The following PTPRS variants were observed in gnomAD, a reference collection of about 807,000 sequenced individuals.
The protein encoded by PTPRS is receptor-type tyrosine-protein phosphatase S.
A neutral mutation model predicts 215.3 loss-of-function variants in PTPRS; 63 were observed. The ratio of observed to expected loss-of-function variants is 0.29; its 90% CI spans 0.24 to 0.36. The LOEUF (loss-of-function observed/expected upper bound fraction) is 0.36, where lower values mean the gene tolerates loss of function less well. Ranked by LOEUF, PTPRS falls within the 10% of genes least tolerant of loss-of-function variation. The probability of loss-of-function intolerance (pLI) is 1.00; values close to 1 mark genes in which losing one functional copy is unlikely to be tolerated. For synonymous variants in PTPRS, 1,404 were observed against 1,191.4 expected (o/e 1.18, Z -3.68); for missense variants, 2,258 against 2,825.8 (o/e 0.80, Z 4.56).
rs10410733 is a variant in PTPRS, at chr19:5,268,208, A to G, written c.380-3012T>C. Among the ~76,000 whole-genome samples, 1,046 of 152,008 alleles carry G rather than the reference A, an allele frequency of 6.9e-3. 15 individuals carry two copies. The highest frequency in any genetic ancestry group is 0.024 in the African/African-American group (992 of 41,486). ...AAATAAATTAATTAATTAATTAAATAAAGTTTTATTGGCACACAGCCACGC... is the reference window on the plus strand; with the variant it reads ...AAATAAATTAATTAATTAATTAAATGAAGTTTTATTGGCACACAGCCACGC... On this transcript the variant is annotated intron_variant, in intron 4 of 37. Coordinates refer to ENST00000262963, the MANE Select transcript of PTPRS (RefSeq NM_002850.4).
intron 33 of PTPRS, 58 bp downstream of exon 33, chr19:5,211,532 T>A (rs111588397): frequency 3.9e-6 from 6 of 1,546,228 alleles, no homozygotes; most frequent in Non-Finnish European, 5.3e-6. Context: ...TGGAGGCCTC[T>A]TGAGAGTAGA....
chr19:5,335,794 G>C (rs988356178), intron 1 of PTPRS, among the ~76,000 whole-genome samples: 1 of 152,148 alleles, frequency 6.6e-6, no homozygotes, highest in African/African-American at 2.4e-5. Flanking sequence ...ACCAGGGTGG[G>C]ATCCGCGGGA....
chr19:5,223,414 G>GA (rs1219426777), intron 17 of PTPRS, 117 bp from the exon 18 acceptor site: 3 of 1,251,644 alleles, frequency 2.4e-6, no homozygotes, highest in Non-Finnish European at 3.1e-6. Context: ...TGAGTTGGGG[G>GA]GGGTCTTACT....
At chr19:5,260,102 A>G (rs1402278756) in intron 7 of PTPRS, among the ~76,000 whole-genome samples, 5 of 151,594 alleles carry the variant, frequency 3.3e-5, no homozygotes, top group African/African-American at 7.3e-5. Context: ...GCATGTCTCT[A>G]TGTGTCCTTG....
intron 1 of PTPRS, among the ~76,000 whole-genome samples, chr19:5,340,006 G>A (rs1165288648): frequency 6.6e-6 from 1 of 151,872 alleles, no homozygotes; most frequent in Non-Finnish European, 1.5e-5. Context: ...GTGCCGGAGG[G>A]GCGACCTCCC....
intron 9 of PTPRS, among the ~76,000 whole-genome samples, chr19:5,253,798 A>G (rs932106133): frequency 1.3e-5 from 2 of 152,236 alleles, no homozygotes; most frequent in African/African-American, 4.8e-5. Context: ...AAAGAAGGGA[A>G]GTGACTTGCC....
intron 28 of PTPRS, among the ~76,000 whole-genome samples, 185 bp downstream of exon 28, chr19:5,215,104 G>A (rs971062842): frequency 2.0e-5 from 3 of 152,282 alleles, no homozygotes; most frequent in Non-Finnish European, 4.4e-5. Context: ...AAGGACAGAT[G>A]AAGCCATGTT....
chr19:5,335,369 C>A lies in PTPRS; in HGVS notation c.-95+5295G>T, dbSNP rs1186253343. Among the ~76,000 whole-genome samples, 3 of 152,202 alleles carry A rather than the reference C, an allele frequency of 2.0e-5. No homozygotes were observed. In the East Asian group the frequency reaches 5.8e-4, roughly 29 times the overall value. On this transcript the variant is annotated intron_variant, in intron 1 of 37. Transcript: ENST00000262963. ...AACACAGAGAGGTCAGGCAACCCGC[C>A]CTAGTTTGCACAGCTCAAGTGAGGA...
chr19:5,259,103 A>G (rs1244581903), intron 7 of PTPRS, among the ~76,000 whole-genome samples: 1 of 152,214 alleles, frequency 6.6e-6, no homozygotes, highest in East Asian at 1.9e-4. Context: ...AGTAAAGTTG[A>G]GGCTAAAATG....
At chr19:5,235,812 A>G (rs527654326) in intron 13 of PTPRS, among the ~76,000 whole-genome samples, 5 of 152,310 alleles carry the variant, frequency 3.3e-5, no homozygotes, top group African/African-American at 1.2e-4. Flanking sequence ...GCTGAATAAC[A>G]CTGAGAGTTC....
At chr19:5,308,752 T>TA (rs911500407) in intron 1 of PTPRS, among the ~76,000 whole-genome samples, 1 of 152,136 alleles carries the variant, frequency 6.6e-6, no homozygotes, top group African/African-American at 2.4e-5. Context: ...ATCAGAATCT[T>TA]AAACAAAAGC....
chr19:5,240,415 A>G (rs922686264), intron 11 of PTPRS, 83 bp from the exon 12 acceptor site: 1 of 1,351,178 alleles, frequency 7.4e-7, no homozygotes, highest in African/African-American at 1.5e-5. Flanking sequence ...GTCCCCACTA[A>G]AAGATGCCAG....
Position 5,256,089 on chromosome 19 carries a change from A to C in PTPRS, c.718+19T>G, listed in dbSNP as rs770852892. 4 of 1,514,312 alleles carry C rather than the reference A, an allele frequency of 2.6e-6. No homozygotes were observed. The East Asian group carries it at 9.1e-5, about 34-fold the overall frequency. The allele number at this position is 1,514,312 out of a possible 1,614,324, so 93.8% of individuals were successfully genotyped here. On this transcript the variant is annotated intron_variant, in intron 9 of 37. Coordinates refer to ENST00000262963, the MANE Select transcript of PTPRS (RefSeq NM_002850.4). ...AAAAATGTGGGTAAAGAAAGTAAAA[A>C]AGAAAAAAACACACCAACCTTCTCG...
rs559344017 is a variant in PTPRS at position 5,205,767 on chromosome 19, G to A, written c.*1007C>T. ...GCACAGCCATACAGCCACTGTCCCC[G>A]AAGAAGTAGGATCCTCTCTGTCTCC... On this transcript the variant is annotated 3_prime_UTR_variant, in exon 38 of 38. Transcript: ENST00000262963. 2.6e-5 allele frequency among the ~76,000 whole-genome samples: 4 copies of A among 152,122 alleles called. No homozygotes were observed. The highest frequency in any genetic ancestry group is 4.1e-4 in the South Asian group (2 of 4,822).
chr19:5,282,052 G>A (rs1212156821), intron 2 of PTPRS, among the ~76,000 whole-genome samples: 1 of 152,030 alleles, frequency 6.6e-6, no homozygotes, highest in East Asian at 1.9e-4. Flanking sequence ...AGAACACTGG[G>A]CTGAGATACC....
chr19:5,230,467 C>T (rs887403129), intron 14 of PTPRS, among the ~76,000 whole-genome samples: 1 of 152,086 alleles, frequency 6.6e-6, no homozygotes, highest in Non-Finnish European at 1.5e-5. Context: ...TCAGCTAATA[C>T]GTTTTTGTAG....
At chr19:5,250,902 T>A (rs923925849) in intron 9 of PTPRS, 4 of 121,362 alleles carry the variant, frequency 3.3e-5, no homozygotes, top group African/African-American at 1.3e-4. Flanking sequence ...GTGTCAGACA[T>A]CTCAACGATT....
At chr19:5,223,656 G>A (rs993601660) in intron 17 of PTPRS, among the ~76,000 whole-genome samples, 5 of 111,634 alleles carry the variant, frequency 4.5e-5, no homozygotes, top group African/African-American at 1.6e-4. Context: ...TCTGCCTCCC[G>A]GGTTCAAGGG....
chr19:5,222,257 G>A (rs1046690516), intron 18 of PTPRS, 37 bp from the exon 19 acceptor site: 9 of 1,560,884 alleles, frequency 5.8e-6, no homozygotes, highest in South Asian at 1.1e-5. Context: ...GAGAGCAGAA[G>A]AGAGGCCCCA....
Sources: allele counts gnomAD v4.1 joint callset (sites outside exome capture counted in the v4.1 genomes callset), GRCh38; gene constraint gnomAD v4.1.1; transcripts MANE v1.5; gene names NCBI Gene and HGNC (gene_info 2026-07-23, HGNC 2026-07-21).